The following OTUD7A variants were observed in gnomAD, a reference collection of about 807,000 sequenced individuals.
OTUD7A encodes the protein OTU domain-containing protein 7A.
In OTUD7A, 12 loss-of-function variants were observed where a neutral mutation model predicts 65.7. The ratio of observed to expected loss-of-function variants is 0.18; its 90% confidence interval spans 0.12 to 0.30. The LOEUF (loss-of-function observed/expected upper bound fraction) is 0.30, where lower values mean the gene tolerates loss of function less well. Among genes scored for constraint, OTUD7A ranks in the 10% least tolerant of loss-of-function variants. The pLI, the probability that OTUD7A is intolerant of heterozygous loss-of-function variation, is 1.00. For missense variants in OTUD7A, 1,148 were observed against 1,304.8 expected (o/e 0.88, Z 1.85); for synonymous variants, 641 against 586.3 (o/e 1.09, Z -1.35).
At chr15:31,523,702 T>C (rs7165548) in intron 8 of OTUD7A, among the ~76,000 whole-genome samples, 108,914 of 151,666 alleles carry the variant, frequency 0.72, 39,736 homozygotes, top group African/African-American at 0.86. Context: ...TGCCTTCAGG[T>C]GCTTCAGTCA....
intron 1 of OTUD7A, among the ~76,000 whole-genome samples, chr15:31,754,676 G>C (rs1894759006): frequency 6.6e-6 from 1 of 151,604 alleles, no homozygotes; most frequent in African/African-American, 2.4e-5. Context: ...AAGTATTTCG[G>C]TTTATTTCTG....
At chr15:31,866,776 A>G (rs1230647494) in intron 1 of OTUD7A, among the ~76,000 whole-genome samples, 1 of 152,212 alleles carries the variant, frequency 6.6e-6, no homozygotes, top group Non-Finnish European at 1.5e-5. Flanking sequence ...TTCCCCTTTA[A>G]CCATTTACAG....
At chr15:31,787,712 A>C (rs1895710550) in intron 1 of OTUD7A, 1 of 152,260 alleles carries the variant, frequency 6.6e-6, no homozygotes, top group African/African-American at 2.4e-5. Context: ...GAATAAAAAC[A>C]ATACAGGAGG....
chr15:31,652,286 C>T (rs899919830), intron 3 of OTUD7A, among the ~76,000 whole-genome samples: 12 of 152,202 alleles, frequency 7.9e-5, no homozygotes, highest in Middle Eastern at 3.4e-3. Flanking sequence ...ATTGGATATC[C>T]GTATGCATAA....
At chr15:31,551,308 T>C (rs753840944) in intron 5 of OTUD7A, among the ~76,000 whole-genome samples, 1 of 152,204 alleles carries the variant, frequency 6.6e-6, no homozygotes, top group East Asian at 1.9e-4. Context: ...ATTGGGAACA[T>C]GCAAAGTTTC....
chr15:31,477,654 T>C lies in OTUD7A; in HGVS notation c.*5640A>G, dbSNP rs2041043445. ...TCTGGCCTCTTAATAGTTTTCAATT[T>C]ACTGATTTAATTTCCTTTTTTCAAT... On this transcript the variant is annotated 3_prime_UTR_variant, in exon 13 of 13. Transcript: ENST00000307050. 6.6e-6 allele frequency: 1 copy of C among 152,222 alleles called. No individual in the cohort carries two copies. Among genetic ancestry groups the C allele is most frequent in the South Asian group, 2.1e-4 (1 of 4,834 alleles). The allele number at this position is 152,222 out of a possible 1,614,324, so 9.4% of individuals were successfully genotyped here. A position where few individuals can be genotyped will look rare whatever the true frequency, so the allele number is the denominator to read the frequency against.
At chr15:31,539,054 G>C (rs1180614927) in intron 5 of OTUD7A, among the ~76,000 whole-genome samples, 2 of 152,156 alleles carry the variant, frequency 1.3e-5, no homozygotes, top group Non-Finnish European at 2.9e-5. Context: ...CGCTGGCTTG[G>C]CCTCTCCCCT....
At chr15:31,830,252 A>C (rs1366931768) in intron 1 of OTUD7A, among the ~76,000 whole-genome samples, 1 of 152,216 alleles carries the variant, frequency 6.6e-6, no homozygotes, top group Non-Finnish European at 1.5e-5. Flanking sequence ...ATCAATGCCA[A>C]ATCAATACCA....
intron 5 of OTUD7A, among the ~76,000 whole-genome samples, chr15:31,550,873 C>T (rs16956864): frequency 0.042 from 6,352 of 152,198 alleles, 466 homozygotes; most frequent in African/African-American, 0.14. Context: ...GAGGTTTACT[C>T]GTGTCCCTGA....
chr15:31,676,554 T>C (rs1892598617), intron 1 of OTUD7A, among the ~76,000 whole-genome samples: 1 of 152,224 alleles, frequency 6.6e-6, no homozygotes, highest in Non-Finnish European at 1.5e-5. Context: ...CTTGAAGTGA[T>C]GTGATACGAG....
intron 1 of OTUD7A, among the ~76,000 whole-genome samples, chr15:31,687,441 C>T (rs5021900): frequency 2.0e-5 from 3 of 151,962 alleles, no homozygotes; most frequent in African/African-American, 4.8e-5. Context: ...CAGTGGCTCT[C>T]GCCCATGTGT....
rs1012952087 is a variant in OTUD7A at position 31,713,982 on chromosome 15, T to C, written c.-99-56905A>G. Among the ~76,000 whole-genome samples, 5 of 141,628 alleles carry C rather than the reference T, an allele frequency of 3.5e-5. 1 individual carries two copies. Among genetic ancestry groups the C allele is most frequent in the African/African-American group, 1.3e-4 (5 of 39,906 alleles). The allele number at this position is 141,628 out of a possible 152,430, so 92.9% of individuals were successfully genotyped here. ...AATTACAAAAATTGAAAATACCGAG[T>C]GTTGGCAAAGATGTGACGCAACCAG... On this transcript the variant is annotated intron_variant, in intron 1 of 12. Transcript: ENST00000307050.
At chr15:31,668,243 C>T (rs2141292575) in intron 1 of OTUD7A, among the ~76,000 whole-genome samples, 1 of 152,296 alleles carries the variant, frequency 6.6e-6, no homozygotes, top group East Asian at 1.9e-4. Context: ...ATATATTTTT[C>T]CAAGCTTTTA....
intron 10 of OTUD7A, among the ~76,000 whole-genome samples, chr15:31,500,702 G>A: frequency 6.6e-6 from 1 of 152,220 alleles, no homozygotes; most frequent in East Asian, 1.9e-4. Flanking sequence ...TACTTCCTGA[G>A]CTGCACACTC....
intron 3 of OTUD7A, among the ~76,000 whole-genome samples, chr15:31,620,349 C>T (rs1424839033): frequency 6.6e-6 from 1 of 151,962 alleles, no homozygotes; most frequent in African/African-American, 2.4e-5. Flanking sequence ...ATGGTACCAG[C>T]TCCTCCTTTT....
intron 3 of OTUD7A, among the ~76,000 whole-genome samples, chr15:31,646,244 G>A (rs1891659452): frequency 6.6e-6 from 1 of 152,014 alleles, no homozygotes; most frequent in African/African-American, 2.4e-5. Flanking sequence ...GGACCTCAGG[G>A]AGCCCTGGAG....
chr15:31,778,762 G>A (rs994039051), intron 1 of OTUD7A, among the ~76,000 whole-genome samples: 8 of 151,872 alleles, frequency 5.3e-5, no homozygotes, highest in Admixed American at 1.3e-4. Context: ...ACACAGACAC[G>A]CACATACACA....
chr15:31,698,296 T>C (rs4779549), intron 1 of OTUD7A, among the ~76,000 whole-genome samples: 116,500 of 138,486 alleles, frequency 0.84, 50,982 homozygotes, highest in East Asian at 0.98. Flanking sequence ...TTATGTTCCT[T>C]CCCTGGTATC....
At chr15:31,857,301 AG>A (rs1031306641) in intron 1 of OTUD7A, among the ~76,000 whole-genome samples, 55 of 152,312 alleles carry the variant, frequency 3.6e-4, no homozygotes, top group African/African-American at 1.3e-3. Context: ...TGTCACATAC[AG>A]GGACACTGGA....
Sources: allele counts gnomAD v4.1 joint callset (sites outside exome capture counted in the v4.1 genomes callset), GRCh38; gene constraint gnomAD v4.1.1; transcripts MANE v1.5; gene names NCBI Gene and HGNC (gene_info 2026-07-23, HGNC 2026-07-21).